ZC4H2: variants seen among roughly 807,000 people sequenced by gnomAD.
ZC4H2 encodes the protein zinc finger C4H2 domain-containing protein.
For missense variants in ZC4H2, 137 were observed against 173.9 expected (o/e 0.79, Z 1.19); for synonymous variants, 84 against 66.3 (o/e 1.27, Z -1.30).
chrX:64,953,060 A>C (rs866076074), intron 1 of ZC4H2, among the ~76,000 whole-genome samples: 1 of 112,060 alleles, frequency 8.9e-6, no homozygotes, highest in African/African-American at 3.2e-5. Context: ...TGACAAAAAC[A>C]AGCAATGGGG....
chrX:64,964,781 T>G (rs1931527570), intron 1 of ZC4H2, among the ~76,000 whole-genome samples: 1 of 111,408 alleles, frequency 9.0e-6, no homozygotes, highest in Admixed American at 9.5e-5. Flanking sequence ...TTTTCTTCCT[T>G]AATTAAGTTA....
At chrX:64,975,205 T>G (rs935961562) in intron 1 of ZC4H2, among the ~76,000 whole-genome samples, 1 of 109,454 alleles carries the variant, frequency 9.1e-6, no homozygotes, top group Non-Finnish European at 1.9e-5. Context: ...CAAAAGTAGG[T>G]CAAAGGGCCT....
At chrX:65,029,932 C>T (rs1932917908) in intron 1 of ZC4H2, among the ~76,000 whole-genome samples, 1 of 109,353 alleles carries the variant, frequency 9.1e-6, no homozygotes, top group South Asian at 3.9e-4. Flanking sequence ...CCAAGTAGTT[C>T]GTAGATGAGA....
At chrX:65,003,359 AC>A (rs1385713137) in intron 1 of ZC4H2, among the ~76,000 whole-genome samples, 1 of 111,749 alleles carries the variant, frequency 8.9e-6, no homozygotes, top group Non-Finnish European at 1.9e-5. Flanking sequence ...CACTAACAAC[AC>A]AATGAAAACA....
At chrX:64,973,735 A>G (rs1166914751) in intron 1 of ZC4H2, among the ~76,000 whole-genome samples, 3 of 111,342 alleles carry the variant, frequency 2.7e-5, no homozygotes, top group Non-Finnish European at 5.7e-5. Context: ...CCCATTCAAT[A>G]CTGAAGGATA....
intron 1 of ZC4H2, 35 bp downstream of exon 1, chrX:64,976,290 G>C: frequency 1.7e-6 from 2 of 1,199,688 alleles, no homozygotes; most frequent in Non-Finnish European, 2.3e-6. Flanking sequence ...CGAAGGGTTG[G>C]AGAGGGGCGG....
intron 1 of ZC4H2, among the ~76,000 whole-genome samples, chrX:64,948,546 A>T (rs748047561): frequency 3.6e-5 from 4 of 111,916 alleles, no homozygotes; most frequent in Non-Finnish European, 7.5e-5. Flanking sequence ...CCTCTGGCTA[A>T]CACATGCATA....
chrX:64,962,982 A>G (rs1931456057), intron 1 of ZC4H2, among the ~76,000 whole-genome samples: 1 of 110,827 alleles, frequency 9.0e-6, no homozygotes, highest in African/African-American at 3.3e-5. Flanking sequence ...TTTTTTTTAC[A>G]TTCATGTAAA....
intron 1 of ZC4H2, among the ~76,000 whole-genome samples, chrX:64,984,501 CT>C (rs954937702): frequency 9.0e-6 from 1 of 111,345 alleles, no homozygotes; most frequent in African/African-American, 3.3e-5. Flanking sequence ...TTTTCTTGCA[CT>C]GAGTCAGTTC....
intron 2 of ZC4H2, among the ~76,000 whole-genome samples, chrX:64,920,581 CA>C (rs1232551668): frequency 8.9e-6 from 1 of 112,317 alleles, no homozygotes; most frequent in African/African-American, 3.2e-5. Context: ...GAATGTCCTT[CA>C]GAGCTCATTT....
chrX:64,919,292 G>T (rs1358726006), intron 3 of ZC4H2, 88 bp from the exon 4 acceptor site: 4 of 1,064,315 alleles, frequency 3.8e-6, no homozygotes, highest in Non-Finnish European at 5.1e-6. Context: ...ACAACCAAGG[G>T]TTGAGCTGTG....
At chrX:64,955,671 A>G (rs193055784) in intron 1 of ZC4H2, among the ~76,000 whole-genome samples, 2 of 112,092 alleles carry the variant, frequency 1.8e-5, no homozygotes, top group East Asian at 5.6e-4. Flanking sequence ...CTTCTCTAGC[A>G]TCATGAGATT....
chrX:65,027,856 G>T (rs912513824), intron 1 of ZC4H2, among the ~76,000 whole-genome samples: 3 of 111,828 alleles, frequency 2.7e-5, no homozygotes, highest in African/African-American at 9.8e-5. Flanking sequence ...ATCTTCAGTT[G>T]TCTGAATTGT....
At position 65,030,717 on chromosome X, in the gene ZC4H2, T is replaced by G. The variant is rs1932925760; in HGVS notation, c.-272+3912A>C. On this transcript the variant is annotated intron_variant, in intron 1 of 4. Coordinates refer to the ZC4H2 transcript ENST00000337990. ...TTGTGAGCCTTCTTCTCAACTAAGC[T>G]TGGCTTGCTTAGTTCAGTTTTAGCA... 1.8e-5 allele frequency among the ~76,000 whole-genome samples: 2 copies of G among 110,876 alleles called. 1 individual carries two copies. The highest frequency in any genetic ancestry group is 7.8e-4 in the South Asian group (2 of 2,570).
At chrX:64,994,924 G>A (rs1424628079) in intron 1 of ZC4H2, among the ~76,000 whole-genome samples, 1 of 110,876 alleles carries the variant, frequency 9.0e-6, no homozygotes, top group Non-Finnish European at 1.9e-5. Flanking sequence ...GGAAATAAAA[G>A]CATAAAGTAA....
At chrX:64,937,106 A>AAT (rs1240675025) in intron 1 of ZC4H2, among the ~76,000 whole-genome samples, 1 of 105,963 alleles carries the variant, frequency 9.4e-6, no homozygotes, top group East Asian at 2.8e-4. Flanking sequence ...AAAAAAAAAA[A>AAT]GCTGGGGTTG....
chrX:64,966,985 C>T (rs926107478), intron 1 of ZC4H2, among the ~76,000 whole-genome samples: 2 of 111,186 alleles, frequency 1.8e-5, no homozygotes, highest in Admixed American at 9.6e-5. Flanking sequence ...CCTCTTACTG[C>T]ACCCAGAATT....
chrX:64,997,434 A>T (rs1932438502), intron 1 of ZC4H2, among the ~76,000 whole-genome samples: 1 of 112,186 alleles, frequency 8.9e-6, no homozygotes, highest in Non-Finnish European at 1.9e-5. Context: ...AGGTAACCAA[A>T]CAGGCAAATC....
rs150807250 is a variant in ZC4H2 at position 64,920,230 on chromosome X, A to G, written c.249T>C (p.Ser83=). The G allele has an allele frequency of 5.8e-6, 7 of 1,208,600 alleles. No homozygotes were observed. In the African/African-American group the frequency reaches 1.2e-4, roughly 21 times the overall value. ...INVMENTIKQ[S]ENDLNKLLES... ...CTAGCAGCTTGTTTAGGTCATTCTC[A>G]GATTGTTTGATAGTGTTTTCCATCT... Residue 83 remains serine (S), a synonymous_variant, in exon 3 of 5, where the codon TCT becomes TCC. Coordinates refer to ENST00000374839, the MANE Select transcript of ZC4H2 (RefSeq NM_018684.4).
Sources: gnomAD v4.1 joint callset for allele counts (sites outside exome capture counted in the v4.1 genomes callset) on GRCh38, gnomAD v4.1.1 for gene constraint, MANE v1.5 for transcripts, NCBI Gene and HGNC (gene_info 2026-07-23, HGNC 2026-07-21) for gene names.